Variants in TCF12 observed in about 807,000 individuals in gnomAD.
The protein encoded by TCF12 is transcription factor 12.
In TCF12, 45 loss-of-function variants were observed where a neutral mutation model predicts 86.0. That is an observed-to-expected ratio of 0.52 (90% CI 0.41 to 0.67). The LOEUF is 0.67. Ranked by LOEUF, TCF12 falls within the 30% of genes least tolerant of loss-of-function variation. The pLI is 0.00. For missense variants in TCF12, 881 were observed against 859.9 expected (o/e 1.02, Z -0.31); for synonymous variants, 330 against 299.6 (o/e 1.10, Z -1.05).
intron 3 of TCF12, among the ~76,000 whole-genome samples, chr15:57,014,745 A>G (rs2065046707): frequency 6.6e-6 from 1 of 152,116 alleles, no homozygotes; most frequent in African/African-American, 2.4e-5. Flanking sequence ...TGCAGGGTTG[A>G]CAGTCAGGTC....
chr15:56,956,356 C>T (rs1410774969), intron 3 of TCF12, among the ~76,000 whole-genome samples: 1 of 151,452 alleles, frequency 6.6e-6, no homozygotes, highest in African/African-American at 2.4e-5. Flanking sequence ...ATCTTTATTG[C>T]CTTATTAGAT....
intron 3 of TCF12, among the ~76,000 whole-genome samples, chr15:56,926,847 G>A (rs1484443907): frequency 6.6e-6 from 1 of 152,194 alleles, no homozygotes; most frequent in African/African-American, 2.4e-5. Flanking sequence ...GTTGTTAGGA[G>A]TGTTCAATGA....
intron 3 of TCF12, among the ~76,000 whole-genome samples, chr15:57,037,208 G>A (rs962704482): frequency 6.6e-6 from 1 of 152,102 alleles, no homozygotes; most frequent in Non-Finnish European, 1.5e-5. Flanking sequence ...CAGCACTTTG[G>A]GAGGCCAAGG....
chr15:56,925,720 A>G (rs1475478348), intron 3 of TCF12, among the ~76,000 whole-genome samples: 2 of 152,362 alleles, frequency 1.3e-5, no homozygotes, highest in South Asian at 2.1e-4. Flanking sequence ...TTTGTGGACA[A>G]TGTGTGGAAT....
chr15:57,049,307 A>G (rs181096066), intron 3 of TCF12, among the ~76,000 whole-genome samples: 50 of 152,242 alleles, frequency 3.3e-4, no homozygotes, highest in African/African-American at 1.2e-3. Context: ...TATTTTATAG[A>G]TACTTCCGTC....
At chr15:56,955,597 A>T (rs1262284805) in intron 3 of TCF12, among the ~76,000 whole-genome samples, 2 of 152,238 alleles carry the variant, frequency 1.3e-5, no homozygotes, top group East Asian at 3.8e-4. Flanking sequence ...TGGTTAGAGA[A>T]CATGCTTTGT....
chr15:57,075,481 T>C (rs1398788440), intron 4 of TCF12, among the ~76,000 whole-genome samples: 1 of 152,214 alleles, frequency 6.6e-6, no homozygotes, highest in East Asian at 1.9e-4. Flanking sequence ...ATCATCAGTT[T>C]ATATTTCATA....
chr15:57,261,792 T>G lies in TCF12; in HGVS notation c.1468-302T>G, dbSNP rs17239508. On this transcript the variant is annotated intron_variant, in intron 16 of 20. Transcript: ENST00000333725. ...ATAATACGTAGTGCGTTGTGGCTTATAGAATGCTTTGTCAGCTCATTTGCT... is the reference window on the plus strand; with the variant it reads ...ATAATACGTAGTGCGTTGTGGCTTAGAGAATGCTTTGTCAGCTCATTTGCT... 0.5 allele frequency among the ~76,000 whole-genome samples: 59,573 copies of G among 119,110 alleles called. 14,554 individuals are homozygous for G. The highest frequency in any genetic ancestry group is 0.58 in the Non-Finnish European group (36,731 of 63,674). The allele number at this position is 119,110 out of a possible 152,430, so 78.1% of individuals were successfully genotyped here. A position where few individuals can be genotyped will look rare whatever the true frequency, so the allele number is the denominator to read the frequency against.
At chr15:57,145,044 G>A (rs755888764) in intron 5 of TCF12, among the ~76,000 whole-genome samples, 10 of 152,110 alleles carry the variant, frequency 6.6e-5, no homozygotes, top group Non-Finnish European at 7.4e-5. Context: ...AATGTTTATT[G>A]TAGAAAATCA....
intron 4 of TCF12, among the ~76,000 whole-genome samples, chr15:57,086,705 T>TAAAAA (rs34069853): frequency 2.8e-5 from 3 of 105,616 alleles, no homozygotes; most frequent in Admixed American, 1.0e-4. Flanking sequence ...TCCCTCCCTT[T>TAAAAA]AAAAAAAAAA....
chr15:57,231,343 T>C, intron 9 of TCF12, 86 bp downstream of exon 9: 1 of 1,089,532 alleles, frequency 9.2e-7, no homozygotes, highest in Non-Finnish European at 1.4e-6. Flanking sequence ...AGAGAATACC[T>C]ATATTCAGGC....
intron 20 of TCF12, among the ~76,000 whole-genome samples, chr15:57,284,203 GTTGT>G (rs371490347): frequency 6.7e-4 from 102 of 152,020 alleles, no homozygotes; most frequent in Non-Finnish European, 1.1e-3. Context: ...TGTTGTTGTT[GTTGT>G]TTGTTTGTTT....
chr15:57,214,328 C>T (rs565815477), intron 8 of TCF12: 1 of 152,242 alleles, frequency 6.6e-6, no homozygotes, highest in South Asian at 2.1e-4. Context: ...CAGTTCTGTT[C>T]ATGTTGATGT....
intron 4 of TCF12, among the ~76,000 whole-genome samples, chr15:57,074,480 T>C (rs1173531549): frequency 6.6e-6 from 1 of 152,164 alleles, no homozygotes; most frequent in African/African-American, 2.4e-5. Context: ...TTAGGGTTTT[T>C]AAATGCCCAA....
chr15:57,261,716 C>T (rs1420478200), intron 16 of TCF12, among the ~76,000 whole-genome samples: 1 of 151,474 alleles, frequency 6.6e-6, no homozygotes, highest in Non-Finnish European at 1.5e-5. Context: ...CCAGTTCATG[C>T]ATACTTTAAT....
intron 5 of TCF12, among the ~76,000 whole-genome samples, chr15:57,150,393 T>C (rs2053653876): frequency 6.6e-6 from 1 of 152,156 alleles, no homozygotes; most frequent in South Asian, 2.1e-4. Context: ...TGTGTAGTCT[T>C]CAAAAGGGTA....
intron 16 of TCF12, among the ~76,000 whole-genome samples, chr15:57,255,046 A>G (rs1288448503): frequency 6.6e-6 from 1 of 152,152 alleles, no homozygotes; most frequent in African/African-American, 2.4e-5. Flanking sequence ...TTAAAAATCA[A>G]TATTCTTGAA....
At chr15:57,280,609 C>A (rs2152125274) in intron 19 of TCF12, among the ~76,000 whole-genome samples, 1 of 152,284 alleles carries the variant, frequency 6.6e-6, no homozygotes, top group Admixed American at 6.5e-5. Flanking sequence ...GTGGCACTTG[C>A]TGGTAGTCCC....
intron 5 of TCF12, among the ~76,000 whole-genome samples, chr15:57,123,651 TA>T (rs1331934971): frequency 7.1e-4 from 102 of 144,658 alleles, no homozygotes; most frequent in South Asian, 8.7e-4. Context: ...TCAGCTAATG[TA>T]AAAAAAAAAA....
Sources: gnomAD v4.1 joint callset for allele counts (sites outside exome capture counted in the v4.1 genomes callset) on GRCh38, gnomAD v4.1.1 for gene constraint, MANE v1.5 for transcripts, NCBI Gene and HGNC (gene_info 2026-07-23, HGNC 2026-07-21) for gene names.